The following ACVR2B variants were observed in gnomAD, a reference collection of about 807,000 sequenced individuals.
ACVR2B encodes activin receptor type-2B.
A neutral mutation model predicts 65.1 loss-of-function variants in ACVR2B; 18 were observed. The ratio of observed to expected loss-of-function variants is 0.28; its 90% CI spans 0.19 to 0.41. The LOEUF (loss-of-function observed/expected upper bound fraction) is 0.41. Among genes scored for constraint, ACVR2B ranks in the 10% least tolerant of loss-of-function variants. The probability of loss-of-function intolerance (pLI) is 1.00; values close to 1 mark genes in which losing one functional copy is unlikely to be tolerated. For synonymous variants in ACVR2B, 298 were observed against 277.7 expected, an observed-to-expected ratio of 1.07 and a Z score of -0.73; for missense variants, 482 against 682.7, an observed-to-expected ratio of 0.71 and a Z score of 3.28.
rs969747733 is a variant in ACVR2B, at chr3:38,482,224, T to C, written c.1101T>C (p.Pro367=). The stretch of plus-strand genomic sequence containing the variant: ...TAGGCACGAGACGGTACATGGCTCC[T>C]GAGGTGCTCGAGGGAGCCATCAACT... The part of the protein sequence containing the change: ...GQVGTRRYMA[P]EVLEGAINFQ... Residue 367 remains proline, a synonymous_variant, in exon 9 of 11, where the codon CCT becomes CCC. Transcript: ENST00000352511. 1 of 1,613,732 alleles carries C rather than the reference T, an allele frequency of 6.2e-7. No homozygotes were observed. The highest frequency in any genetic ancestry group is 8.5e-7 in the Non-Finnish European group (1 of 1,179,958).
rs1480570089 is a variant in ACVR2B at position 38,485,002 on chromosome 3, G to C, written c.*1670G>C. 4 of 152,500 alleles carry C rather than the reference G, an allele frequency of 2.6e-5. No homozygotes were observed. The highest frequency in any genetic ancestry group is 7.2e-5 in the African/African-American group (3 of 41,438). 9.4% of individuals were successfully genotyped at this position (152,500 alleles called of 1,614,324 possible). On this transcript the variant is annotated 3_prime_UTR_variant, in exon 11 of 11. Transcript: ENST00000352511. Reference sequence around the variant, plus strand: ...AATTGTCATCAACTGTAGGTTGGCTGTCTGGGCCAAGTCTGGGCATTTATC... The same window carrying C: ...AATTGTCATCAACTGTAGGTTGGCTCTCTGGGCCAAGTCTGGGCATTTATC...
intron 1 of ACVR2B, among the ~76,000 whole-genome samples, chr3:38,467,752 CA>C (rs71085327): frequency 0.56 from 78,379 of 139,152 alleles, 21,231 homozygotes; most frequent in East Asian, 0.64. Context: ...ACCCTGTGTC[CA>C]AAAAAAAAAA....
intron 1 of ACVR2B, among the ~76,000 whole-genome samples, chr3:38,464,034 T>G (rs1017718975): frequency 6.6e-6 from 1 of 152,228 alleles, no homozygotes; most frequent in African/African-American, 2.4e-5. Flanking sequence ...AATTACCTCC[T>G]TAAAGTCCTT....
chr3:38,475,804 CT>C, intron 1 of ACVR2B: 1 of 153,412 alleles, frequency 6.5e-6, no homozygotes, highest in Non-Finnish European at 1.5e-5. Flanking sequence ...TCCAGTCAGC[CT>C]TTCAGGCTGA....
In ACVR2B at chr3:38,482,302, G is replaced by C; in HGVS notation, c.1179G>C (p.Leu393=). ...RIDMYAMGLV[L]WELVSRCKAA... is the part of the protein sequence containing the mutation. The stretch of plus-strand genomic sequence containing the variant: ...ACATGTATGCCATGGGGTTGGTGCT[G>C]TGGGAGCTTGTGTCTCGCTGCAAGG... The change falls in exon 9 of 11, where the codon CTG becomes CTC. Residue 393 remains leucine, a synonymous_variant. Coordinates refer to ENST00000352511, the MANE Select transcript of ACVR2B (RefSeq NM_001106.4). 6.2e-7 allele frequency: 1 copy of C among 1,612,588 alleles called. No homozygotes were observed. The highest frequency in any genetic ancestry group is 8.5e-7 in the Non-Finnish European group (1 of 1,179,750).
At position 38,474,379 on chromosome 3, in the gene ACVR2B, A is replaced by T. The variant is rs115169784; in HGVS notation, c.53-2908A>T. On this transcript the variant is annotated intron_variant, in intron 1 of 10. Coordinates refer to ENST00000352511, the MANE Select transcript of ACVR2B (RefSeq NM_001106.4). The stretch of plus-strand genomic sequence containing the variant: ...TTGTTGCTTGTCTGAATGGAGATGG[A>T]AACTCTTTGAGGACCTAGGGCTTGG... 6.6e-3 allele frequency: 1,001 copies of T among 152,512 alleles called. 2 individuals carry two copies. The highest frequency in any genetic ancestry group is 0.011 in the Non-Finnish European group (769 of 68,176). 9.4% of individuals were successfully genotyped at this position (152,512 alleles called of 1,614,324 possible).
chr3:38,471,627 T>C (rs192056582), intron 1 of ACVR2B, among the ~76,000 whole-genome samples: 1 of 152,312 alleles, frequency 6.6e-6, no homozygotes, highest in East Asian at 1.9e-4. Context: ...GTTATAAGCT[T>C]CTGAAATAAA....
rs2059820693 is a variant in ACVR2B, at chr3:38,492,737, C to CACAA, written c.*9408_*9409insAACA. 4.6e-4 allele frequency: 1 copy of CACAA among 2,170 alleles called. No homozygotes were observed. Among genetic ancestry groups the CACAA allele is most frequent in the Non-Finnish European group, 1.2e-3 (1 of 866 alleles). The allele number at this position is 2,170 out of a possible 1,614,324, so 0.1% of individuals were successfully genotyped here. ...CTGATTTATATATATATATTACACA[C>CACAA]ACACACACACACACACACACACACA... is the stretch of plus-strand genomic sequence containing the variant. On this transcript the variant is annotated 3_prime_UTR_variant, in exon 11 of 11. Coordinates refer to ENST00000352511, the MANE Select transcript of ACVR2B (RefSeq NM_001106.4).
At chr3:38,461,555 G>T (rs538770683) in intron 1 of ACVR2B, among the ~76,000 whole-genome samples, 1 of 152,222 alleles carries the variant, frequency 6.6e-6, no homozygotes, top group Non-Finnish European at 1.5e-5. Flanking sequence ...CTGTGTGGGA[G>T]TAGAAGGAGG....
chr3:38,462,405 C>T (rs1709663912), intron 1 of ACVR2B, among the ~76,000 whole-genome samples: 1 of 152,138 alleles, frequency 6.6e-6, no homozygotes, highest in South Asian at 2.1e-4. Context: ...TTTTCCAGCC[C>T]CCCATCCCCA....
chr3:38,480,199 C>T (rs928067088), intron 7 of ACVR2B, among the ~76,000 whole-genome samples: 6 of 152,166 alleles, frequency 3.9e-5, no homozygotes, highest in African/African-American at 7.2e-5. Flanking sequence ...ACATCCCATT[C>T]GCTGTCAGAG....
intron 1 of ACVR2B, among the ~76,000 whole-genome samples, chr3:38,460,364 G>T (rs774217183): frequency 2.6e-5 from 4 of 152,134 alleles, no homozygotes; most frequent in Non-Finnish European, 4.4e-5. Context: ...TTTTCTGGTG[G>T]TGGAAATGCT....
At chr3:38,471,428 G>A (rs1188500970) in intron 1 of ACVR2B, among the ~76,000 whole-genome samples, 5 of 145,506 alleles carry the variant, frequency 3.4e-5, no homozygotes, top group Non-Finnish European at 7.7e-5. Context: ...CCACTTTGGA[G>A]AACAGTTTAA....
In ACVR2B at chr3:38,467,413, C is replaced by T. The variant is rs959689514; in HGVS notation, c.53-9874C>T. Among the ~76,000 whole-genome samples, 9 of 151,024 alleles carry T rather than the reference C, an allele frequency of 6.0e-5. No homozygotes were observed. In the East Asian group the frequency reaches 1.2e-3, roughly 20 times the overall value. ...AGCTGAGATTGCCCCATTGCACTCC[C>T]GCCTGGGCAACAAGAGCGAAACTCT... is the stretch of plus-strand genomic sequence containing the variant. On this transcript the variant is annotated intron_variant, in intron 1 of 10. Transcript: ENST00000352511.
Position 38,486,871 on chromosome 3 carries a change from T to C in ACVR2B, c.*3539T>C, listed in dbSNP as rs1482768677. ...AGGAAGCAAGTGAGGACAGAGGCCA[T>C]TGTATTACAGTGTCACGCAGAGGGC... is the stretch of plus-strand genomic sequence containing the variant. On this transcript the variant is annotated 3_prime_UTR_variant, in exon 11 of 11. Transcript: ENST00000352511. The C allele has an allele frequency of 6.6e-6, 1 of 152,324 alleles. No homozygotes were observed. The highest frequency in any genetic ancestry group is 1.5e-5 in the Non-Finnish European group (1 of 68,150). The allele number at this position is 152,324 out of a possible 1,614,324, so 9.4% of individuals were successfully genotyped here. A position where few individuals can be genotyped will look rare whatever the true frequency, so the allele number is the denominator to read the frequency against.
At chr3:38,466,054 G>A (rs756707687) in intron 1 of ACVR2B, among the ~76,000 whole-genome samples, 2 of 152,238 alleles carry the variant, frequency 1.3e-5, no homozygotes, top group Admixed American at 6.5e-5. Flanking sequence ...TCTGTATCAA[G>A]TGAAGCTGTT....
In ACVR2B at chr3:38,484,550, A is replaced by G. The variant is rs1710081750; in HGVS notation, c.*1218A>G. ...CTCCAGACCCCTTAAAGTGGTACAT[A>G]TTCTAAAAAACTGTTTTTCTATTAT... is the stretch of plus-strand genomic sequence containing the variant. On this transcript the variant is annotated 3_prime_UTR_variant, in exon 11 of 11. Transcript: ENST00000352511. The G allele has an allele frequency of 6.6e-6, 1 of 152,420 alleles. No individual in the cohort carries two copies. Among genetic ancestry groups the G allele is most frequent in the South Asian group, 2.1e-4 (1 of 4,830 alleles). 9.4% of individuals were successfully genotyped at this position (152,420 alleles called of 1,614,324 possible).
intron 1 of ACVR2B, chr3:38,459,819 C>T (rs1468829600): frequency 3.6e-6 from 1 of 279,112 alleles, no homozygotes; most frequent in African/African-American, 2.3e-5. Context: ...ACACTGGAGG[C>T]CCTGGTGGAG....
chr3:38,456,862 A>T (rs1181847649), intron 1 of ACVR2B, among the ~76,000 whole-genome samples: 2 of 152,188 alleles, frequency 1.3e-5, no homozygotes, highest in Admixed American at 6.5e-5. Context: ...ACTTCATTGT[A>T]TGAATTTTGG....
Sources: gnomAD v4.1 joint callset for allele counts (sites outside exome capture counted in the v4.1 genomes callset) on GRCh38, gnomAD v4.1.1 for gene constraint, MANE v1.5 for transcripts, NCBI Gene and HGNC (gene_info 2026-07-23, HGNC 2026-07-21) for gene names.